Variants in SUGCT observed in about 807,000 individuals in gnomAD.
The protein encoded by SUGCT is succinyl-CoA:glutarate-CoA transferase.
In SUGCT, 41 loss-of-function variants were observed where a neutral mutation model predicts 55.0. That is an observed-to-expected ratio of 0.74 (90% confidence interval 0.58 to 0.97). The LOEUF is 0.97. Ranked by LOEUF, SUGCT falls within the 50% of genes least tolerant of loss-of-function variation. SUGCT has a pLI of 0.00. For synonymous variants in SUGCT, 187 were observed against 200.4 expected, an observed-to-expected ratio of 0.93 and a Z score of 0.56; for missense variants, 568 against 547.8, an observed-to-expected ratio of 1.04 and a Z score of -0.37.
chr7:40,616,089 G>A (rs537048979), intron 12 of SUGCT, among the ~76,000 whole-genome samples: 3 of 152,232 alleles, frequency 2.0e-5, no homozygotes, highest in South Asian at 2.1e-4. Context: ...GGAGAATGTG[G>A]TTAATAATTA....
chr7:40,280,925 G>C (rs893182378), intron 8 of SUGCT, among the ~76,000 whole-genome samples: 1 of 152,064 alleles, frequency 6.6e-6, no homozygotes, highest in South Asian at 2.1e-4. Context: ...GTTTTGAGTG[G>C]GGAGAGATCT....
At chr7:40,690,924 T>C (rs1231272565) in intron 12 of SUGCT, among the ~76,000 whole-genome samples, 1 of 152,164 alleles carries the variant, frequency 6.6e-6, no homozygotes, top group Non-Finnish European at 1.5e-5. Flanking sequence ...CTAAAGGTTG[T>C]AACTAGAAGT....
intron 12 of SUGCT, among the ~76,000 whole-genome samples, chr7:40,635,682 T>G (rs1329104547): frequency 6.6e-6 from 1 of 152,238 alleles, no homozygotes; most frequent in Non-Finnish European, 1.5e-5. Flanking sequence ...TTATTGTCTC[T>G]TCTTCTGCCA....
the SUGCT span, among the ~76,000 whole-genome samples, chr7:40,974,546 A>C: frequency 2.9e-4 from 44 of 152,240 alleles, 1 homozygote; most frequent in Admixed American, 2.9e-3. Context: ...TCCAGCATCA[A>C]GAACTGTGAT....
rs78651120 is a variant in SUGCT, at chr7:40,569,393, A to C, written c.1089+73007A>C. 6.8e-3 allele frequency among the ~76,000 whole-genome samples: 1,033 copies of C among 152,190 alleles called. 17 individuals carry two copies. Among genetic ancestry groups the C allele is most frequent in the African/African-American group, 0.023 (960 of 41,514 alleles). On this transcript the variant is annotated intron_variant, in intron 12 of 13. Transcript: ENST00000335693. The stretch of plus-strand genomic sequence containing the variant: ...TGAGTTATATCTACCCATTTTACCC[A>C]CCAAACTTACTTTTATTATCTTCAT...
At chr7:40,505,568 T>C (rs1792544910) in intron 12 of SUGCT, among the ~76,000 whole-genome samples, 1 of 152,128 alleles carries the variant, frequency 6.6e-6, no homozygotes, top group Admixed American at 6.5e-5. Context: ...TGCATCTCAA[T>C]TTACCGAAAT....
intron 8 of SUGCT, among the ~76,000 whole-genome samples, chr7:40,311,619 G>A (rs1367735696): frequency 1.3e-5 from 2 of 152,032 alleles, no homozygotes; most frequent in Non-Finnish European, 1.5e-5. Flanking sequence ...CTGCCTTTGA[G>A]CTTTCGCACA....
At chr7:40,778,577 G>C (rs541240385) in intron 13 of SUGCT, among the ~76,000 whole-genome samples, 83 of 152,338 alleles carry the variant, frequency 5.4e-4, no homozygotes, top group African/African-American at 1.9e-3. Flanking sequence ...CAGTGGTGAG[G>C]TGAGGCTACA....
intron 12 of SUGCT, among the ~76,000 whole-genome samples, chr7:40,704,022 G>A (rs534771797): frequency 7.9e-5 from 12 of 152,304 alleles, no homozygotes; most frequent in Non-Finnish European, 1.6e-4. Context: ...ACACTGACGA[G>A]AATCAAGAAG....
At chr7:40,353,434 G>T (rs1220880454) in intron 9 of SUGCT, among the ~76,000 whole-genome samples, 1 of 152,048 alleles carries the variant, frequency 6.6e-6, no homozygotes, top group Non-Finnish European at 1.5e-5. Flanking sequence ...TGAAGTTGAA[G>T]GGTACCTGAT....
intron 12 of SUGCT, among the ~76,000 whole-genome samples, chr7:40,630,915 T>C (rs1799762366): frequency 6.6e-6 from 1 of 152,100 alleles, no homozygotes; most frequent in Non-Finnish European, 1.5e-5. Context: ...GACTCGTTAA[T>C]TTTGTACAAA....
intron 12 of SUGCT, among the ~76,000 whole-genome samples, chr7:40,633,071 CAG>C (rs766406859): frequency 2.6e-4 from 40 of 152,178 alleles, no homozygotes; most frequent in Admixed American, 1.0e-3. Context: ...AAAACTATGA[CAG>C]AGAGAGAGAA....
At chr7:40,600,887 G>A (rs1005446727) in intron 12 of SUGCT, among the ~76,000 whole-genome samples, 3 of 152,000 alleles carry the variant, frequency 2.0e-5, no homozygotes, top group Non-Finnish European at 2.9e-5. Flanking sequence ...TTTGATATGG[G>A]GGAGGGGGCA....
intron 7 of SUGCT, among the ~76,000 whole-genome samples, chr7:40,266,619 G>A (rs971578742): frequency 6.6e-6 from 1 of 151,992 alleles, no homozygotes; most frequent in African/African-American, 2.4e-5. Flanking sequence ...TATCTAAACT[G>A]CACCTTATTC....
At chr7:40,736,724 A>G (rs1787182870) in intron 12 of SUGCT, among the ~76,000 whole-genome samples, 1 of 152,110 alleles carries the variant, frequency 6.6e-6, no homozygotes, top group African/African-American at 2.4e-5. Context: ...CAGCTTAGAA[A>G]TGTACAACCA....
At chr7:40,455,700 A>G (rs1195348530) in intron 10 of SUGCT, among the ~76,000 whole-genome samples, 3 of 152,236 alleles carry the variant, frequency 2.0e-5, no homozygotes, top group Non-Finnish European at 4.4e-5. Context: ...ACATTTCACA[A>G]GAGATGTTGC....
At chr7:40,260,462 G>A (rs552360948) in intron 7 of SUGCT, among the ~76,000 whole-genome samples, 1 of 152,110 alleles carries the variant, frequency 6.6e-6, no homozygotes, top group Non-Finnish European at 1.5e-5. Flanking sequence ...CATAGCTATG[G>A]CACTTGATTC....
chr7:40,439,847 T>A (rs1392781813), intron 9 of SUGCT, among the ~76,000 whole-genome samples: 2 of 152,268 alleles, frequency 1.3e-5, no homozygotes, highest in Non-Finnish European at 1.5e-5. Flanking sequence ...TTGCTCCCTT[T>A]CCTTAACAGT....
chr7:40,540,994 T>C (rs1794643459), intron 12 of SUGCT, among the ~76,000 whole-genome samples: 1 of 152,206 alleles, frequency 6.6e-6, no homozygotes, highest in African/African-American at 2.4e-5. Flanking sequence ...TTATTTGTTG[T>C]TTCAGGTGCC....
Sources: allele counts gnomAD v4.1 joint callset (sites outside exome capture counted in the v4.1 genomes callset), GRCh38; gene constraint gnomAD v4.1.1; transcripts MANE v1.5; gene names NCBI Gene and HGNC (gene_info 2026-07-23, HGNC 2026-07-21).